The following PCGF3 variants were observed in gnomAD, a reference collection of about 807,000 sequenced individuals.
PCGF3 encodes the protein polycomb group RING finger protein 3.
Under a neutral mutation model 33.1 loss-of-function variants are expected in PCGF3, and 7 were observed. The observed-to-expected ratio is 0.21, with a 90% CI of 0.12 to 0.40. The LOEUF (loss-of-function observed/expected upper bound fraction) is 0.40. Ranked by LOEUF, PCGF3 falls within the 10% of genes least tolerant of loss-of-function variation. The pLI, the probability that PCGF3 is intolerant of heterozygous loss-of-function variation, is 1.00. For missense variants in PCGF3, 211 were observed against 313.3 expected, an observed-to-expected ratio of 0.67 and a Z score of 2.46; for synonymous variants, 153 against 121.3, an observed-to-expected ratio of 1.26 and a Z score of -1.72.
chr4:755,806 C>G (rs1303032072), intron 8 of PCGF3, among the ~76,000 whole-genome samples: 1 of 150,566 alleles, frequency 6.6e-6, no homozygotes, highest in Middle Eastern at 3.2e-3. Context: ...GCCAAAACAA[C>G]AAGGAACTTA....
chr4:742,386 C>T (rs181800705), intron 6 of PCGF3, among the ~76,000 whole-genome samples: 2 of 152,312 alleles, frequency 1.3e-5, no homozygotes. Flanking sequence ...CTGGCCTGGC[C>T]GAGCTCATGG....
chr4:706,470 C>T (rs1742308802), intron 1 of PCGF3, among the ~76,000 whole-genome samples: 2 of 138,016 alleles, frequency 1.4e-5, no homozygotes, highest in South Asian at 4.5e-4. Flanking sequence ...AGGGCAAAGA[C>T]CCCAGAACAG....
At chr4:713,508 G>GTGGGTCCTGTGTGGCCTCA (rs1193649915) in intron 1 of PCGF3, among the ~76,000 whole-genome samples, 1 of 135,528 alleles carries the variant, frequency 7.4e-6, no homozygotes, top group African/African-American at 2.8e-5. Context: ...CTGTGGCCTT[G>GTGGGTCCTGTGTGGCCTCA]TGGGTCCTGT....
At chr4:752,598 C>A (rs1340292110) in intron 8 of PCGF3, among the ~76,000 whole-genome samples, 2 of 152,132 alleles carry the variant, frequency 1.3e-5, no homozygotes, top group African/African-American at 2.4e-5. Flanking sequence ...GGGGGACGGG[C>A]CTGCTGCCCT....
At chr4:744,352 G>A (rs997800073) in intron 7 of PCGF3, among the ~76,000 whole-genome samples, 1 of 152,208 alleles carries the variant, frequency 6.6e-6, no homozygotes, top group African/African-American at 2.4e-5. Context: ...CGCCGGCTCC[G>A]GCTGCCCCGT....
intron 1 of PCGF3, among the ~76,000 whole-genome samples, chr4:711,450 T>TC (rs1395203774): frequency 1.1e-5 from 1 of 90,378 alleles, no homozygotes; most frequent in African/African-American, 3.3e-5. Context: ...TTTCTTTTTT[T>TC]TTTCTTTTTT....
At chr4:751,496 C>T (rs1289722871) in intron 8 of PCGF3, among the ~76,000 whole-genome samples, 2 of 152,082 alleles carry the variant, frequency 1.3e-5, no homozygotes, top group Admixed American at 6.5e-5. Flanking sequence ...GAGCTCCTGC[C>T]GGTCACGGGC....
intron 1 of PCGF3, among the ~76,000 whole-genome samples, chr4:708,456 G>A (rs896478969): frequency 1.3e-5 from 2 of 151,984 alleles, no homozygotes; most frequent in Non-Finnish European, 2.9e-5. Flanking sequence ...CCAGGCATCT[G>A]GCATCCTGGT....
intron 8 of PCGF3, among the ~76,000 whole-genome samples, chr4:754,323 C>T (rs1254424340): frequency 2.0e-5 from 3 of 152,212 alleles, no homozygotes; most frequent in Non-Finnish European, 2.9e-5. Flanking sequence ...CCTGTCCGCA[C>T]CCTCGGGCAC....
chr4:752,696 CCT>C (rs1744578080), intron 8 of PCGF3, among the ~76,000 whole-genome samples: 1 of 152,168 alleles, frequency 6.6e-6, no homozygotes, highest in African/African-American at 2.4e-5. Flanking sequence ...GACTTCGACC[CCT>C]GTGTGTGCAG....
chr4:734,610 A>G, intron 4 of PCGF3: 1 of 1,184,488 alleles, frequency 8.4e-7, no homozygotes, highest in Non-Finnish European at 1.0e-6. Context: ...TTGTAAAATT[A>G]TCTGTTTTAG....
chr4:734,013 G>GA, intron 4 of PCGF3: 1 of 1,550,906 alleles, frequency 6.4e-7, no homozygotes, highest in Non-Finnish European at 8.7e-7. Flanking sequence ...TTAGGAGAGC[G>GA]AAACACAGGA....
intron 8 of PCGF3, among the ~76,000 whole-genome samples, chr4:750,955 A>G (rs1208484482): frequency 6.6e-6 from 1 of 151,822 alleles, no homozygotes; most frequent in African/African-American, 2.4e-5. Flanking sequence ...CATTTGTTTC[A>G]GCTGTGTTAC....
chr4:708,060 C>T lies in PCGF3; in HGVS notation c.-190+2090C>T, dbSNP rs113965387. ...GGACAGCCCTGTTTTCACCTGGGGG[C>T]CGGGACCCTGGGACAGCCCTGTTTT... On this transcript the variant is annotated intron_variant, in intron 1 of 10. Coordinates refer to ENST00000362003, the Ensembl canonical transcript of PCGF3. Among the ~76,000 whole-genome samples, 62 of 80,430 alleles carry T rather than the reference C, an allele frequency of 7.7e-4. 2 individuals carry two copies. The highest frequency in any genetic ancestry group is 1.4e-3 in the South Asian group (3 of 2,222). The allele number at this position is 80,430 out of a possible 152,430, so 52.8% of individuals were successfully genotyped here.
chr4:737,216 G>A (rs1044910156), intron 5 of PCGF3, among the ~76,000 whole-genome samples: 8 of 152,290 alleles, frequency 5.3e-5, no homozygotes, highest in Admixed American at 3.9e-4. Flanking sequence ...ACAGAAGCAC[G>A]GGTTCCCAGA....
At chr4:734,526 TTTATG>T (rs1234513495) in intron 4 of PCGF3, 4 of 1,192,332 alleles carry the variant, frequency 3.4e-6, no homozygotes, top group Admixed American at 4.1e-5. Flanking sequence ...GTTAGCATAT[TTTATG>T]TTAGGTTATT....
Position 707,570 on chromosome 4 carries a change from C to T in PCGF3, c.-190+1600C>T, listed in dbSNP as rs1358014435. On this transcript the variant is annotated intron_variant, in intron 1 of 10. Transcript: ENST00000362003. ...TCCCCTGGGGGTCGGGACCCTGGGACAGCTCTGTTTTCCCCTGGGGGTCGG... is the reference window on the plus strand; with the variant it reads ...TCCCCTGGGGGTCGGGACCCTGGGATAGCTCTGTTTTCCCCTGGGGGTCGG... 2.7e-5 allele frequency among the ~76,000 whole-genome samples: 3 copies of T among 109,228 alleles called. 1 individual carries two copies. Among genetic ancestry groups the T allele is most frequent in the Non-Finnish European group, 4.1e-5 (2 of 49,250 alleles). 71.7% of individuals were successfully genotyped at this position (109,228 alleles called of 152,430 possible).
In PCGF3 at chr4:726,304, G is replaced by C. The variant is rs368286605; in HGVS notation, c.-189-4326G>C. 2.0e-4 allele frequency among the ~76,000 whole-genome samples: 31 copies of C among 152,366 alleles called. 2 individuals are homozygous for C. The South Asian group carries it at 2.5e-3, about 12-fold the overall frequency. ...AGAGTGGGGCTGGCAAACCCTGTGA[G>C]GGAGCAGATGGTGAATATCGTGCGG... is the stretch of plus-strand genomic sequence containing the variant. On this transcript the variant is annotated intron_variant, in intron 1 of 10. Transcript: ENST00000362003.
At position 761,422 on chromosome 4, in the gene PCGF3, A is replaced by G. The variant is rs2242235; in HGVS notation, c.600+6A>G. On this transcript the variant is annotated splice_donor_region_variant and intron_variant, in intron 9 of 10. Transcript: ENST00000362003. Reference sequence around the variant, plus strand: ...ACCTTTCATCCTTTAACGAGGTAACAGTTGATCCCTAAGTAGAAACCATAA... The same window carrying G: ...ACCTTTCATCCTTTAACGAGGTAACGGTTGATCCCTAAGTAGAAACCATAA... 129,466 of 1,596,662 alleles carry G rather than the reference A, an allele frequency of 0.081. 5,911 individuals carry two copies. Among genetic ancestry groups the G allele is most frequent in the South Asian group, 0.14 (12,762 of 88,790 alleles).
Sources: allele counts gnomAD v4.1 joint callset (sites outside exome capture counted in the v4.1 genomes callset), GRCh38; gene constraint gnomAD v4.1.1; transcripts MANE v1.5; gene names NCBI Gene and HGNC (gene_info 2026-07-23, HGNC 2026-07-21).